BMPR1A: variants seen among roughly 807,000 people sequenced by gnomAD.
BMPR1A encodes the protein bone morphogenetic protein receptor type-1A.
Under a neutral mutation model 66.0 loss-of-function variants are expected in BMPR1A, and 7 were observed. The observed-to-expected ratio is 0.11, with a 90% CI of 0.06 to 0.20. The LOEUF is 0.20. Among genes scored for constraint, BMPR1A ranks in the 10% least tolerant of loss-of-function variants. The probability of loss-of-function intolerance (pLI) is 1.00; values close to 1 mark genes in which losing one functional copy is unlikely to be tolerated. For synonymous variants in BMPR1A, 200 were observed against 229.7 expected (o/e 0.87, Z 1.17); for missense variants, 408 against 669.1 (o/e 0.61, Z 4.31).
chr10:86,760,041 T>A (rs1841013182), intron 1 of BMPR1A, among the ~76,000 whole-genome samples: 2 of 150,238 alleles, frequency 1.3e-5, no homozygotes, highest in Non-Finnish European at 3.0e-5. Flanking sequence ...ATGATTTTCT[T>A]GCCTTCACTT....
At chr10:86,766,985 A>C (rs1841175241) in intron 1 of BMPR1A, among the ~76,000 whole-genome samples, 1 of 152,034 alleles carries the variant, frequency 6.6e-6, no homozygotes, top group Non-Finnish European at 1.5e-5. Context: ...CACCATGTCC[A>C]GCTAATTTTT....
Position 86,819,342 on chromosome 10 carries a change from G to A in BMPR1A, c.-267-19523G>A, listed in dbSNP as rs555305133. 2.0e-5 allele frequency among the ~76,000 whole-genome samples: 3 copies of A among 151,680 alleles called. No homozygotes were observed. In the South Asian group the frequency reaches 6.3e-4, roughly 32 times the overall value. On this transcript the variant is annotated intron_variant, in intron 1 of 12. Transcript: ENST00000372037. ...TTTCTTTTTTTTCTTTTTGAGTCTC[G>A]CTCTGTCTCCCAGGCTGGAGTGCAG... is the stretch of plus-strand genomic sequence containing the variant.
At chr10:86,881,876 A>T (rs1842991026) in intron 3 of BMPR1A, among the ~76,000 whole-genome samples, 3 of 152,212 alleles carry the variant, frequency 2.0e-5, no homozygotes, top group Admixed American at 2.0e-4. Flanking sequence ...TACAATTGGA[A>T]ATTAGAAAGC....
At chr10:86,930,712 T>G (rs1006627041), downstream of BMPR1A, 4 of 152,102 alleles carry the variant, frequency 2.6e-5, no homozygotes, top group African/African-American at 9.7e-5. Context: ...TGTCGCTACA[T>G]CCACCTCAGT....
intron 2 of BMPR1A, among the ~76,000 whole-genome samples, chr10:86,849,265 C>G (rs1842532770): frequency 6.6e-6 from 1 of 152,220 alleles, no homozygotes; most frequent in Non-Finnish European, 1.5e-5. Flanking sequence ...TTCAGTCTTA[C>G]TGATCTCACT....
At chr10:86,865,402 C>G (rs1448671622) in intron 2 of BMPR1A, among the ~76,000 whole-genome samples, 1 of 152,152 alleles carries the variant, frequency 6.6e-6, no homozygotes, top group East Asian at 1.9e-4. Flanking sequence ...ACCTTGCGAC[C>G]CCCACTCTGC....
chr10:86,806,308 G>C (rs1175489453), intron 1 of BMPR1A, among the ~76,000 whole-genome samples: 4 of 152,104 alleles, frequency 2.6e-5, no homozygotes, highest in African/African-American at 9.7e-5. Flanking sequence ...AGTCTGTGGG[G>C]AGAAACTTCA....
chr10:86,781,845 A>C (rs973748799), intron 1 of BMPR1A, among the ~76,000 whole-genome samples: 1 of 143,468 alleles, frequency 7.0e-6, no homozygotes, highest in Non-Finnish European at 1.5e-5. Flanking sequence ...TTTGTAGCAT[A>C]TGACAGGATT....
chr10:86,787,384 A>G (rs1256449570), intron 1 of BMPR1A, among the ~76,000 whole-genome samples: 1 of 152,232 alleles, frequency 6.6e-6, no homozygotes, highest in Non-Finnish European at 1.5e-5. Flanking sequence ...TATGAAATAT[A>G]TGACCAAACT....
Position 86,762,291 on chromosome 10 carries a change from T to G in BMPR1A, c.-268+5372T>G, listed in dbSNP as rs1241159640. Among the ~76,000 whole-genome samples the G allele has an allele frequency of 3.9e-5, 6 of 152,258 alleles. No homozygotes were observed. The South Asian group carries it at 8.3e-4, about 21-fold the overall frequency. On this transcript the variant is annotated intron_variant, in intron 1 of 12. Transcript: ENST00000372037. ...TTATAGGTTATAGAATTACAGGTTA[T>G]AGGTTATAGACCTCGTATCGAGAAC...
In BMPR1A at chr10:86,849,778, G is replaced by C. The variant is rs369615822; in HGVS notation, c.-153+10799G>C. On this transcript the variant is annotated intron_variant, in intron 2 of 12. Transcript: ENST00000372037. ...AATGCCTGGCAAATAATAGACACCA[G>C]GGAATGTTGTTCCTAGGTATCACAT... Among the ~76,000 whole-genome samples the C allele has an allele frequency of 1.2e-4, 18 of 152,274 alleles. No homozygotes were observed. The East Asian group carries it at 1.3e-3, about 11-fold the overall frequency.
chr10:86,779,461 G>C (rs1447498769), intron 1 of BMPR1A, among the ~76,000 whole-genome samples: 1 of 152,048 alleles, frequency 6.6e-6, no homozygotes, highest in East Asian at 1.9e-4. Flanking sequence ...TTTTTAATTG[G>C]ATTGTTTATC....
chr10:86,852,976 A>G (rs527857087), intron 2 of BMPR1A, among the ~76,000 whole-genome samples: 14 of 152,358 alleles, frequency 9.2e-5, no homozygotes, highest in Middle Eastern at 3.4e-3. Context: ...CAGAGCTGAA[A>G]GTTGTTTTTT....
intron 2 of BMPR1A, among the ~76,000 whole-genome samples, chr10:86,871,726 C>T (rs1264195661): frequency 1.3e-5 from 2 of 151,838 alleles, no homozygotes; most frequent in African/African-American, 4.8e-5. Flanking sequence ...GGGAGGATTG[C>T]CTGGAGCCCA....
In BMPR1A at chr10:86,764,452, T is replaced by G. The variant is rs6586034; in HGVS notation, c.-268+7533T>G. On this transcript the variant is annotated intron_variant, in intron 1 of 12. Coordinates refer to ENST00000372037, the MANE Select transcript of BMPR1A (RefSeq NM_004329.3). ...CTTCCTTCATTTTATAATCTTTTAT[T>G]TAATAAAAATGTGGGGGAAAAATTG... is the stretch of plus-strand genomic sequence containing the variant. Among the ~76,000 whole-genome samples, 83,373 of 152,092 alleles carry G rather than the reference T, an allele frequency of 0.55. 24,606 individuals carry two copies. Among genetic ancestry groups the G allele is most frequent in the African/African-American group, 0.76 (31,543 of 41,496 alleles).
At chr10:86,928,707 T>A (rs1843780355), downstream of BMPR1A, 1 of 151,948 alleles carries the variant, frequency 6.6e-6, no homozygotes. Context: ...CAGGGTGGAG[T>A]GCAGTAGCGC....
chr10:86,892,302 A>G, intron 5 of BMPR1A, 73 bp downstream of exon 5: 2 of 1,198,028 alleles, frequency 1.7e-6, no homozygotes, highest in Non-Finnish European at 2.5e-6. Flanking sequence ...CCCCCAGGAG[A>G]AACATGCCTG....
chr10:86,923,305 A>C, intron 11 of BMPR1A, 71 bp from the exon 12 acceptor site: 1 of 1,594,820 alleles, frequency 6.3e-7, no homozygotes, highest in South Asian at 1.1e-5. Context: ...GTTTAGCAAA[A>C]GATGCTTACT....
intron 5 of BMPR1A, among the ~76,000 whole-genome samples, chr10:86,895,427 A>C (rs552923463): frequency 6.6e-6 from 1 of 152,116 alleles, no homozygotes; most frequent in East Asian, 1.9e-4. Flanking sequence ...AATCCCAGCT[A>C]CTTGGGAGGC....
Sources: gnomAD v4.1 joint callset for allele counts (sites outside exome capture counted in the v4.1 genomes callset) on GRCh38, gnomAD v4.1.1 for gene constraint, MANE v1.5 for transcripts, NCBI Gene and HGNC (gene_info 2026-07-23, HGNC 2026-07-21) for gene names.